The following NEK10 variants were observed in gnomAD, a reference collection of about 807,000 sequenced individuals.
NEK10 encodes the protein NIMA related kinase 10.
In NEK10, 122 loss-of-function variants were observed where a neutral mutation model predicts 159.8. The observed-to-expected ratio is 0.76, with a 90% confidence interval of 0.66 to 0.89. The LOEUF is 0.89. Ranked by LOEUF, NEK10 falls within the 40% of genes least tolerant of loss-of-function variation. The probability of loss-of-function intolerance (pLI) is 0.00; values close to 1 mark genes in which losing one functional copy is unlikely to be tolerated. For missense variants in NEK10, 1,342 were observed against 1,323.1 expected (o/e 1.01, Z -0.22); for synonymous variants, 466 against 457.1 (o/e 1.02, Z -0.25).
At chr3:27,367,347 A>G (rs1391291705) in intron 1 of NEK10, among the ~76,000 whole-genome samples, 1 of 152,214 alleles carries the variant, frequency 6.6e-6, no homozygotes, top group African/African-American at 2.4e-5. Context: ...GCTCTTGCAC[A>G]CCATGCTGTA....
intron 22 of NEK10, among the ~76,000 whole-genome samples, chr3:27,257,819 C>T (rs1407845693): frequency 1.4e-5 from 2 of 141,406 alleles, no homozygotes; most frequent in African/African-American, 5.5e-5. Flanking sequence ...GACGGAGTCT[C>T]ACTCTGTCAC....
At chr3:27,322,458 G>C (rs2045712667) in intron 5 of NEK10, among the ~76,000 whole-genome samples, 197 bp from the exon 6 acceptor site, 1 of 145,442 alleles carries the variant, frequency 6.9e-6, no homozygotes, top group Non-Finnish European at 1.6e-5. Context: ...CAGTGTGGAG[G>C]AGAGGCCCCC....
intron 29 of NEK10, among the ~76,000 whole-genome samples, chr3:27,171,498 T>A (rs1200377990): frequency 6.6e-6 from 1 of 152,024 alleles, no homozygotes; most frequent in Non-Finnish European, 1.5e-5. Flanking sequence ...AAGAACAAGA[T>A]ATAAGACCAG....
At chr3:27,173,019 A>T (rs1297248913) in intron 28 of NEK10, among the ~76,000 whole-genome samples, 1 of 152,208 alleles carries the variant, frequency 6.6e-6, no homozygotes, top group East Asian at 1.9e-4. Flanking sequence ...AAACCACAAT[A>T]ACAACAACAA....
chr3:27,121,835 C>A (rs184725622), intron 32 of NEK10, among the ~76,000 whole-genome samples: 32 of 152,116 alleles, frequency 2.1e-4, no homozygotes, highest in African/African-American at 7.0e-4. Context: ...TTCTGCAGAG[C>A]TAGAAATATT....
intron 1 of NEK10, among the ~76,000 whole-genome samples, chr3:27,361,976 T>C (rs890111975): frequency 2.6e-5 from 4 of 152,176 alleles, no homozygotes; most frequent in African/African-American, 9.7e-5. Context: ...AAATTGCTGA[T>C]AATGTCTCTT....
Position 27,284,917 on chromosome 3 carries a change from G to A in NEK10, c.1834C>T (p.Leu612Phe). The change falls in exon 21 of 36, where the codon CTT becomes TTT. Residue 612 changes from leucine (L) to phenylalanine (F), a missense_variant. Leu to Phe is a conservative substitution (Grantham distance 22, BLOSUM62 0). Transcript: ENST00000691995. Reference protein sequence around the residue: ...IVMELIEGAPLGEHFSSLKEK... With the variant: ...IVMELIEGAPFGEHFSSLKEK... ...TTCAAAGAACTGAAATGCTCTCCAA[G>A]CGGGGCTCCTTCTATCAGCTCCATA... 1 of 1,603,360 alleles carries A rather than the reference G, an allele frequency of 6.2e-7. No homozygotes were observed.
intron 26 of NEK10, among the ~76,000 whole-genome samples, chr3:27,178,029 T>C (rs539500545): frequency 1.3e-5 from 2 of 152,236 alleles, no homozygotes; most frequent in East Asian, 3.9e-4. Context: ...ATAGACACAT[T>C]CCGGATATCA....
At chr3:27,325,141 G>C (rs978801376) in intron 5 of NEK10, among the ~76,000 whole-genome samples, 2 of 152,210 alleles carry the variant, frequency 1.3e-5, no homozygotes, top group African/African-American at 4.8e-5. Flanking sequence ...CCATGCACTG[G>C]AACTTGGAAA....
Position 27,146,069 on chromosome 3 carries a change from A to C in NEK10, c.2870-4487T>G, listed in dbSNP as rs9877589. On this transcript the variant is annotated intron_variant, in intron 30 of 35. Transcript: ENST00000691995. ...CTACTTTTAACACGATGTTCTATCT[A>C]TCTCTCTCAACATTTAATTAATTAT... is the stretch of plus-strand genomic sequence containing the variant. Among the ~76,000 whole-genome samples the C allele has an allele frequency of 8.8e-3, 1,343 of 152,096 alleles. 16 individuals are homozygous for C. Among genetic ancestry groups the C allele is most frequent in the African/African-American group, 0.031 (1,279 of 41,486 alleles).
intron 32 of NEK10, among the ~76,000 whole-genome samples, chr3:27,127,299 C>G (rs1226266676): frequency 6.6e-6 from 1 of 152,072 alleles, no homozygotes; most frequent in Non-Finnish European, 1.5e-5. Context: ...TATAATTATC[C>G]CACCTAAGAG....
Position 27,235,939 on chromosome 3 carries a change from T to C in NEK10, c.2090+20357A>G, listed in dbSNP as rs141318598. 4.0e-3 allele frequency among the ~76,000 whole-genome samples: 609 copies of C among 152,224 alleles called. 2 individuals are homozygous for C. Among genetic ancestry groups the C allele is most frequent in the Middle Eastern group, 0.014 (4 of 294 alleles). Reference sequence around the variant, plus strand: ...AGTGATACATATAAAGAAAATGTGATACATATACACCATGGAATACTATGC... The same window carrying C: ...AGTGATACATATAAAGAAAATGTGACACATATACACCATGGAATACTATGC... On this transcript the variant is annotated intron_variant, in intron 23 of 35. Coordinates refer to ENST00000691995, the MANE Select transcript of NEK10 (RefSeq NM_001394966.1).
intron 25 of NEK10, among the ~76,000 whole-genome samples, chr3:27,199,214 C>G (rs565202623): frequency 3.3e-5 from 5 of 152,186 alleles, no homozygotes; most frequent in Admixed American, 3.3e-4. Flanking sequence ...AACTATGCAC[C>G]TGACAAAGGT....
chr3:27,362,381 G>T (rs895665985), intron 1 of NEK10, among the ~76,000 whole-genome samples: 2 of 152,072 alleles, frequency 1.3e-5, no homozygotes, highest in Non-Finnish European at 2.9e-5. Context: ...GCTATTCTTG[G>T]AAATGTAAAA....
intron 32 of NEK10, among the ~76,000 whole-genome samples, chr3:27,123,481 C>G (rs1233538195): frequency 6.6e-6 from 1 of 152,054 alleles, no homozygotes; most frequent in Admixed American, 6.6e-5. Flanking sequence ...TATGGGCATT[C>G]ATGATGAAAT....
chr3:27,365,610 G>GTTTTTTTTTTTTT lies in NEK10; in HGVS notation c.-38+3602_-38+3614dup, dbSNP rs71091129. ...TTGGTTTTTTGTGTTTTTTTTTTGT[G>GTTTTTTTTTTTTT]TTTTTTTTTTTTTTTTTTTTGAGAT... On this transcript the variant is annotated intron_variant, in intron 1 of 35. Coordinates refer to ENST00000691995, the MANE Select transcript of NEK10 (RefSeq NM_001394966.1). 2.3e-4 allele frequency among the ~76,000 whole-genome samples: 23 copies of GTTTTTTTTTTTTT among 99,104 alleles called. 1 individual carries two copies. Among genetic ancestry groups the GTTTTTTTTTTTTT allele is most frequent in the African/African-American group, 6.8e-4 (17 of 25,094 alleles). 65.0% of individuals were successfully genotyped at this position (99,104 alleles called of 152,430 possible). A position where few individuals can be genotyped will look rare whatever the true frequency, so the allele number is the denominator to read the frequency against.
intron 22 of NEK10, among the ~76,000 whole-genome samples, chr3:27,277,530 C>G (rs1326854567): frequency 1.3e-5 from 2 of 152,148 alleles, no homozygotes; most frequent in Non-Finnish European, 2.9e-5. Flanking sequence ...TCCCCACCCA[C>G]CAAGGCTCCT....
At chr3:27,147,045 T>C (rs1233843565) in intron 30 of NEK10, among the ~76,000 whole-genome samples, 1 of 152,218 alleles carries the variant, frequency 6.6e-6, no homozygotes, top group Non-Finnish European at 1.5e-5. Flanking sequence ...AAGAGGATCA[T>C]ACAGTTGAAG....
intron 1 of NEK10, among the ~76,000 whole-genome samples, chr3:27,362,660 T>A (rs1195586728): frequency 6.6e-6 from 1 of 151,538 alleles, no homozygotes; most frequent in Non-Finnish European, 1.5e-5. Context: ...CATTCATTCA[T>A]CCTGTCTCAA....
Sources: allele counts gnomAD v4.1 joint callset (sites outside exome capture counted in the v4.1 genomes callset), GRCh38; gene constraint gnomAD v4.1.1; transcripts MANE v1.5; gene names NCBI Gene and HGNC (gene_info 2026-07-23, HGNC 2026-07-21).